The following KCNH1 variants were observed in gnomAD, a reference collection of about 807,000 sequenced individuals.
KCNH1 encodes the protein potassium voltage-gated channel subfamily H member 1, also known as voltage-gated delayed rectifier potassium channel KCNH1.
KCNH1 carries 27 observed loss-of-function variants against 69.2 expected under a neutral mutation model. The ratio of observed to expected loss-of-function variants is 0.39; its 90% CI spans 0.29 to 0.54. The LOEUF (loss-of-function observed/expected upper bound fraction) is 0.54. KCNH1 is among the 20% of genes least tolerant of loss of function. The probability of loss-of-function intolerance (pLI) is 0.68; values close to 1 mark genes in which losing one functional copy is unlikely to be tolerated. For missense variants in KCNH1, 798 were observed against 1,261.6 expected (o/e 0.63, Z 5.57); for synonymous variants, 456 against 487.7 (o/e 0.93, Z 0.86).
At chr1:210,940,341 A>T (rs1013991960) in intron 6 of KCNH1, among the ~76,000 whole-genome samples, 1 of 152,220 alleles carries the variant, frequency 6.6e-6, no homozygotes, top group Admixed American at 6.5e-5. Context: ...AGCAGCAAGC[A>T]CAAGTTAGCT....
At position 210,787,766 on chromosome 1, in the gene KCNH1, T is replaced by A. The variant is rs78544398; in HGVS notation, c.1915+9742A>T. The stretch of plus-strand genomic sequence containing the variant: ...ATTCAGTTTAATGATAAGCTGAAAA[T>A]TTACAGACTAATTTAAAAAGAATTA... On this transcript the variant is annotated intron_variant, in intron 9 of 10. Transcript: ENST00000271751. 3.8e-3 allele frequency among the ~76,000 whole-genome samples: 586 copies of A among 152,284 alleles called. 4 individuals carry two copies. The highest frequency in any genetic ancestry group is 0.013 in the African/African-American group (560 of 41,544).
intron 6 of KCNH1, among the ~76,000 whole-genome samples, chr1:210,965,343 T>TA (rs1688378699): frequency 6.6e-6 from 1 of 152,102 alleles, no homozygotes; most frequent in Non-Finnish European, 1.5e-5. Context: ...ATTGTATATT[T>TA]AAAAAACCCC....
At chr1:210,771,821 C>A (rs1683759565) in intron 10 of KCNH1, among the ~76,000 whole-genome samples, 2 of 152,286 alleles carry the variant, frequency 1.3e-5, no homozygotes, top group African/African-American at 4.8e-5. Context: ...AAGCAGGACC[C>A]AGACCAAAGT....
chr1:211,090,424 C>T lies in KCNH1; in HGVS notation c.439+138G>A. The T allele has an allele frequency of 5.7e-6, 4 of 704,810 alleles. No individual in the cohort carries two copies. In the South Asian group the frequency reaches 6.6e-5, roughly 12 times the overall value. 43.7% of individuals were successfully genotyped at this position (704,810 alleles called of 1,614,324 possible). ...CGATACACTCCAGAATAACACAGTG[C>T]TTTGCTCTATACAAATTAAAGTTAG... On this transcript the variant is annotated intron_variant, in intron 4 of 10. Coordinates refer to ENST00000271751, the MANE Select transcript of KCNH1 (RefSeq NM_172362.3).
intron 7 of KCNH1, among the ~76,000 whole-genome samples, chr1:210,898,684 G>T (rs531185224): frequency 9.2e-5 from 14 of 151,970 alleles, no homozygotes; most frequent in South Asian, 8.4e-4. Flanking sequence ...GTGGCGGCGG[G>T]GGGGGGTCCT....
At chr1:210,775,048 C>T (rs1326041757) in intron 10 of KCNH1, among the ~76,000 whole-genome samples, 1 of 152,126 alleles carries the variant, frequency 6.6e-6, no homozygotes, top group Non-Finnish European at 1.5e-5. Flanking sequence ...TTTCACTCAT[C>T]TTTTCAAAAT....
intron 5 of KCNH1, among the ~76,000 whole-genome samples, chr1:211,050,494 A>T (rs1690182139): frequency 6.6e-6 from 1 of 152,078 alleles, no homozygotes; most frequent in South Asian, 2.1e-4. Flanking sequence ...GTGGGAAGCA[A>T]TTAAAAGTAT....
At chr1:210,962,365 C>T (rs1486005837) in intron 6 of KCNH1, among the ~76,000 whole-genome samples, 1 of 152,108 alleles carries the variant, frequency 6.6e-6, no homozygotes, top group African/African-American at 2.4e-5. Context: ...GGATGGGTCC[C>T]TATTACTTCA....
At chr1:211,085,014 C>A (rs1403143606) in intron 4 of KCNH1, among the ~76,000 whole-genome samples, 1 of 152,096 alleles carries the variant, frequency 6.6e-6, no homozygotes, top group East Asian at 1.9e-4. Flanking sequence ...AATGCTGTGG[C>A]CAAGACTGTC....
chr1:210,998,367 C>T (rs1175454603), intron 6 of KCNH1, among the ~76,000 whole-genome samples: 2 of 152,230 alleles, frequency 1.3e-5, no homozygotes, highest in Admixed American at 6.5e-5. Flanking sequence ...CAATCCTAGT[C>T]TCTGATAAAA....
intron 7 of KCNH1, among the ~76,000 whole-genome samples, chr1:210,891,014 A>G (rs553931889): frequency 3.0e-4 from 45 of 152,314 alleles, no homozygotes; most frequent in Non-Finnish European, 4.4e-4. Context: ...TAGAAATACC[A>G]TTTGACCCAG....
intron 7 of KCNH1, among the ~76,000 whole-genome samples, chr1:210,890,745 T>C (rs953427242): frequency 6.6e-6 from 1 of 151,032 alleles, no homozygotes; most frequent in African/African-American, 2.4e-5. Context: ...TGACAGACAC[T>C]TATAAAAGGA....
chr1:211,050,315 G>T (rs1276349664), intron 5 of KCNH1, among the ~76,000 whole-genome samples: 1 of 135,320 alleles, frequency 7.4e-6, no homozygotes, highest in Non-Finnish European at 1.5e-5. Flanking sequence ...TAACAAGGCT[G>T]GGGTGGCGCT....
At chr1:210,740,704 A>ATTT (rs199727493) in intron 10 of KCNH1, among the ~76,000 whole-genome samples, 3 of 117,250 alleles carry the variant, frequency 2.6e-5, no homozygotes, top group East Asian at 5.2e-4. Flanking sequence ...TTATGATTAA[A>ATTT]TTTTTTTTTT....
intron 9 of KCNH1, among the ~76,000 whole-genome samples, chr1:210,792,687 TAA>T (rs74449886): frequency 9.3e-5 from 13 of 139,222 alleles, no homozygotes; most frequent in African/African-American, 8.1e-5. Flanking sequence ...CCAAGAAAAT[TAA>T]AAAAAAAAAA....
chr1:210,947,597 C>T (rs1687984990), intron 6 of KCNH1, among the ~76,000 whole-genome samples: 1 of 151,086 alleles, frequency 6.6e-6, no homozygotes, highest in Non-Finnish European at 1.5e-5. Flanking sequence ...AAGCTCAATT[C>T]TTCACCCTAA....
chr1:210,928,726 A>C (rs891218212), intron 6 of KCNH1, among the ~76,000 whole-genome samples: 1 of 152,170 alleles, frequency 6.6e-6, no homozygotes, highest in African/African-American at 2.4e-5. Flanking sequence ...AATGAAACAA[A>C]AGAAAAAAGA....
intron 10 of KCNH1, among the ~76,000 whole-genome samples, chr1:210,701,798 C>T (rs74156029): frequency 0.013 from 1,963 of 152,174 alleles, 32 homozygotes; most frequent in African/African-American, 0.045. Context: ...CATCTGTCCC[C>T]TTGCCCAAAT....
intron 4 of KCNH1, among the ~76,000 whole-genome samples, chr1:211,087,651 AC>A (rs1414762757): frequency 2.6e-5 from 4 of 151,604 alleles, no homozygotes; most frequent in Admixed American, 2.6e-4. Flanking sequence ...ACACACACAC[AC>A]ACACACACAC....
Sources: gnomAD v4.1 joint callset for allele counts (sites outside exome capture counted in the v4.1 genomes callset) on GRCh38, gnomAD v4.1.1 for gene constraint, MANE v1.5 for transcripts, NCBI Gene and HGNC (gene_info 2026-07-23, HGNC 2026-07-21) for gene names.